TPRX2: variants seen among roughly 807,000 people sequenced by gnomAD.
TPRX2 encodes tetrapeptide repeat homeobox protein 2.
the TPRX2 span, chr19:47,861,356 G>A: frequency 6.3e-6 from 3 of 473,234 alleles, no homozygotes; most frequent in East Asian, 6.7e-5. Context: ...CCAACTTGTC[G>A]CCAGACACCC....
At chr19:47,860,900 T>G in the TPRX2 span, 1 of 1,531,256 alleles carries the variant, frequency 6.5e-7, no homozygotes, top group Non-Finnish European at 8.8e-7. Context: ...GAGCCCGCGC[T>G]GCGCCCCTAG....
the TPRX2 span, chr19:47,861,201 GT>G: frequency 1.6e-6 from 1 of 629,146 alleles, no homozygotes; most frequent in African/African-American, 1.8e-5. Context: ...CCCACTGTCA[GT>G]CTCGATCCCC....
the TPRX2 span, among the ~76,000 whole-genome samples, chr19:47,859,512 GAAACC>G: frequency 6.7e-6 from 1 of 149,864 alleles, no homozygotes; most frequent in African/African-American, 2.5e-5. Context: ...CCGGGACTCT[GAAACC>G]AGCCGAGCCA....
the TPRX2 span, chr19:47,860,842 G>T: frequency 1.3e-6 from 2 of 1,532,678 alleles, no homozygotes; most frequent in Admixed American, 2.0e-5. Context: ...GCTCGGGAGC[G>T]GCGGCTCCAG....
the TPRX2 span, chr19:47,861,007 C>T: frequency 3.3e-5 from 35 of 1,061,380 alleles, no homozygotes; most frequent in Non-Finnish European, 4.8e-5. Flanking sequence ...GGAGTCCTCC[C>T]AGCAGCAGAA....
At chr19:47,861,249 A>C in the TPRX2 span, 9 of 533,606 alleles carry the variant, frequency 1.7e-5, no homozygotes, top group East Asian at 4.7e-5. Context: ...CCCAGGCCCA[A>C]TCCCAGACCC....
the TPRX2 span, among the ~76,000 whole-genome samples, chr19:47,859,941 G>A: frequency 2.7e-5 from 4 of 150,864 alleles, no homozygotes; most frequent in Non-Finnish European, 4.5e-5. Flanking sequence ...TCCTAGATGT[G>A]GACCCTGAGG....
the TPRX2 span, chr19:47,860,904 C>T: frequency 1.3e-6 from 2 of 1,530,798 alleles, no homozygotes; most frequent in Non-Finnish European, 1.8e-6. Context: ...CCGCGCTGCG[C>T]CCCTAGTCCC....
chr19:47,860,884 G>A, the TPRX2 span: 2 of 1,532,942 alleles, frequency 1.3e-6, no homozygotes, highest in Admixed American at 2.0e-5. Context: ...GGGCAGAGAG[G>A]CCGAGGAGCC....
chr19:47,861,010 C>A, the TPRX2 span: 3 of 1,033,998 alleles, frequency 2.9e-6, no homozygotes, highest in Admixed American at 4.0e-5. Flanking sequence ...GTCCTCCCAG[C>A]AGCAGAACCG....
chr19:47,860,567 C>G, the TPRX2 span, among the ~76,000 whole-genome samples: 1 of 151,754 alleles, frequency 6.6e-6, no homozygotes, highest in South Asian at 2.1e-4. Context: ...CCTGGCCCCC[C>G]GGGCACCTGG....
chr19:47,860,815 A>C, the TPRX2 span: 1 of 1,540,774 alleles, frequency 6.5e-7, no homozygotes, highest in Non-Finnish European at 8.7e-7. Flanking sequence ...TGGTTCAAGA[A>C]TCGCCGCGCC....
the TPRX2 span, among the ~76,000 whole-genome samples, chr19:47,861,665 C>G: frequency 6.6e-6 from 1 of 152,230 alleles, no homozygotes; most frequent in East Asian, 1.9e-4. Context: ...TCACAGGTGG[C>G]TCTGCTGTGA....
chr19:47,860,052 T>C, the TPRX2 span: 3 of 1,409,148 alleles, frequency 2.1e-6, no homozygotes, highest in East Asian at 7.5e-5. Flanking sequence ...GGGGACGGGG[T>C]CCCTAGGGGG....
At chr19:47,860,299 C>G in the TPRX2 span, 1 of 1,176,434 alleles carries the variant, frequency 8.5e-7, no homozygotes, top group Non-Finnish European at 1.1e-6. Flanking sequence ...CCCCCACCCC[C>G]ACCCCGCCCG....
chr19:47,860,996 G>A, the TPRX2 span: 3 of 1,153,198 alleles, frequency 2.6e-6, no homozygotes, highest in Non-Finnish European at 3.8e-6. Context: ...CGGGCCCCTG[G>A]GGAGTCCTCC....
At chr19:47,861,464 C>G in the TPRX2 span, 4 of 997,678 alleles carry the variant, frequency 4.0e-6, no homozygotes, top group Non-Finnish European at 5.7e-6. Context: ...AGGAGGATGG[C>G]TTCGTGGACA....
At chr19:47,860,980 C>A in the TPRX2 span, 10 of 1,281,028 alleles carry the variant, frequency 7.8e-6, no homozygotes, top group Non-Finnish European at 9.8e-6. Context: ...TGGATCTCCC[C>A]TCAGCCGGGC....
the TPRX2 span, chr19:47,860,682 TG>T: frequency 9.4e-7 from 1 of 1,062,744 alleles, no homozygotes; most frequent in Non-Finnish European, 1.3e-6. Context: ...CCTCATATGG[TG>T]GGTGCGGGGT....
Sources: allele counts gnomAD v4.1 joint callset (sites outside exome capture counted in the v4.1 genomes callset), GRCh38; gene constraint gnomAD v4.1.1; transcripts MANE v1.5; gene names NCBI Gene and HGNC (gene_info 2026-07-23, HGNC 2026-07-21).